ZDHHC15: variants seen among roughly 807,000 people sequenced by gnomAD.
The protein encoded by ZDHHC15 is zDHHC palmitoyltransferase 15.
In ZDHHC15, 19 loss-of-function variants were observed where a neutral mutation model predicts 31.7. The ratio of observed to expected loss-of-function variants is 0.60; its 90% CI spans 0.42 to 0.88. The LOEUF (loss-of-function observed/expected upper bound fraction) is 0.88, where lower values mean the gene tolerates loss of function less well. Ranked by LOEUF, ZDHHC15 falls within the 40% of genes least tolerant of loss-of-function variation. The pLI is 0.00. For synonymous variants in ZDHHC15, 103 were observed against 90.0 expected (o/e 1.14, Z -0.82); for missense variants, 209 against 251.2 (o/e 0.83, Z 1.14).
chrX:75,379,014 A>G (rs911874015), intron 11 of ZDHHC15, 106 bp downstream of exon 11: 17 of 590,488 alleles, frequency 2.9e-5, no homozygotes, highest in Non-Finnish European at 4.5e-5. Context: ...AGAATTTAAA[A>G]TCTTTTTCAC....
Position 75,423,114 on chromosome X carries a change from T to A in ZDHHC15, c.737-1124A>T, listed in dbSNP as rs141094123. 4.3e-3 allele frequency among the ~76,000 whole-genome samples: 460 copies of A among 108,106 alleles called. 2 individuals are homozygous for A. The highest frequency in any genetic ancestry group is 0.015 in the African/African-American group (443 of 29,712). The allele number at this position is 108,106 out of a possible 115,157, so 93.9% of individuals were successfully genotyped here. ...CGCAGCCTTAAACTCCTGGCCAGGGTCAATCAATCTTCCTGTCTCAGCTTA... is the reference window on the plus strand; with the variant it reads ...CGCAGCCTTAAACTCCTGGCCAGGGACAATCAATCTTCCTGTCTCAGCTTA... On this transcript the variant is annotated intron_variant, in intron 8 of 11. Transcript: ENST00000373367.
At chrX:75,456,552 G>C (rs1190853907) in intron 3 of ZDHHC15, among the ~76,000 whole-genome samples, 1 of 111,393 alleles carries the variant, frequency 9.0e-6, no homozygotes, top group African/African-American at 3.3e-5. Context: ...GGAAACAACA[G>C]ATGCTGTCAA....
intron 2 of ZDHHC15, among the ~76,000 whole-genome samples, chrX:75,488,761 T>C (rs2084818787): frequency 9.0e-6 from 1 of 111,572 alleles, no homozygotes; most frequent in African/African-American, 3.3e-5. Context: ...GGACAGTGGG[T>C]GCAGTGCACC....
Position 75,379,163 on chromosome X carries a change from T to A in ZDHHC15, c.1003A>T (p.Thr335Ser), listed in dbSNP as rs751633180. Reference protein sequence around the residue: ...PEGSSSLAVETET With the variant: ...PEGSSSLAVESET The stretch of plus-strand genomic sequence containing the variant: ...AAATGTGAAAACTGCTATGTTTCCG[T>A]TTCCACAGCAAGAGATGATGAGCCT... The change falls in exon 11 of 12, where the codon ACG becomes TCG. Residue 335 changes from threonine to serine, a missense_variant. Physicochemically the swap from Thr to Ser is moderately conservative, Grantham distance 58. Coordinates refer to ENST00000373367, the MANE Select transcript of ZDHHC15 (RefSeq NM_144969.3). 23 of 1,209,780 alleles carry A rather than the reference T, an allele frequency of 1.9e-5. No homozygotes were observed. The Admixed American group carries it at 5.0e-4, about 26-fold the overall frequency.
Position 75,437,336 on chromosome X carries a change from G to A in ZDHHC15, c.380-5816C>T, listed in dbSNP as rs1602621807. On this transcript the variant is annotated intron_variant, in intron 4 of 11. Transcript: ENST00000373367. The stretch of plus-strand genomic sequence containing the variant: ...GTTTTAGGGTACATGTGCACAATGT[G>A]CAGGTTAGTTACATATGTATACATG... 9.1e-5 allele frequency among the ~76,000 whole-genome samples: 9 copies of A among 99,184 alleles called. No individual in the cohort carries two copies. In the South Asian group the frequency reaches 4.6e-3, roughly 50 times the overall value. 86.1% of individuals were successfully genotyped at this position (99,184 alleles called of 115,157 possible).
chrX:75,398,245 C>A (rs1427266752), intron 10 of ZDHHC15, among the ~76,000 whole-genome samples: 1 of 112,476 alleles, frequency 8.9e-6, no homozygotes, highest in African/African-American at 3.2e-5. Flanking sequence ...GGTGCCTTAG[C>A]CGTTCCAGCC....
chrX:75,497,810 A>G (rs960444552), intron 2 of ZDHHC15, among the ~76,000 whole-genome samples: 1 of 111,678 alleles, frequency 9.0e-6, no homozygotes, highest in Non-Finnish European at 1.9e-5. Context: ...CAAAATCAGC[A>G]TAGAAGGGAT....
chrX:75,406,389 C>T (rs1019937796), intron 10 of ZDHHC15, among the ~76,000 whole-genome samples: 2 of 110,598 alleles, frequency 1.8e-5, no homozygotes, highest in Non-Finnish European at 3.8e-5. Flanking sequence ...CAAAGCAATA[C>T]AGAAGACCAA....
intron 1 of ZDHHC15, among the ~76,000 whole-genome samples, chrX:75,514,367 C>A (rs751473898): frequency 8.9e-6 from 1 of 112,265 alleles, no homozygotes; most frequent in Non-Finnish European, 1.9e-5. Context: ...GGCAACAGAG[C>A]TGTAAACGGC....
chrX:75,457,087 G>T (rs1036397857), intron 3 of ZDHHC15, among the ~76,000 whole-genome samples: 1 of 111,590 alleles, frequency 9.0e-6, no homozygotes, highest in African/African-American at 3.3e-5. Flanking sequence ...TTAAAAAACT[G>T]ATATTTAGAA....
intron 10 of ZDHHC15, among the ~76,000 whole-genome samples, chrX:75,381,077 A>G (rs2083109464): frequency 9.0e-6 from 1 of 111,141 alleles, no homozygotes; most frequent in Non-Finnish European, 1.9e-5. Context: ...TTATGACTTT[A>G]TATAAGTCGC....
chrX:75,448,315 G>A (rs1322783559), intron 4 of ZDHHC15, among the ~76,000 whole-genome samples: 1 of 112,157 alleles, frequency 8.9e-6, no homozygotes, highest in African/African-American at 3.2e-5. Flanking sequence ...CTTGCTAAAG[G>A]CAAAGGGAGT....
At chrX:75,431,404 C>A in intron 5 of ZDHHC15, 47 bp downstream of exon 5, 1 of 1,144,908 alleles carries the variant, frequency 8.7e-7, no homozygotes. Flanking sequence ...GTCTAGGAAA[C>A]CTTCAGTGGC....
intron 9 of ZDHHC15, among the ~76,000 whole-genome samples, chrX:75,421,280 T>G (rs972677383): frequency 1.1e-5 from 1 of 94,946 alleles, no homozygotes. Flanking sequence ...CACAGTGTAT[T>G]GGATTTTTCT....
At position 75,431,446 on chromosome X, in the gene ZDHHC15, C is replaced by T. The variant is rs1050699122; in HGVS notation, c.449+5G>A. 1 of 1,205,029 alleles carries T rather than the reference C, an allele frequency of 8.3e-7. No homozygotes were observed. Among genetic ancestry groups the T allele is most frequent in the Non-Finnish European group, 1.1e-6 (1 of 892,197 alleles). On this transcript the variant is annotated splice_donor_5th_base_variant and intron_variant, in intron 5 of 11. Transcript: ENST00000373367. ...CAGCCCAGGGGAAATATGGCCGTCA[C>T]TTACATAGCACAGACAGAGCAGTGG...
At chrX:75,519,420 C>A (rs1356164091) in intron 1 of ZDHHC15, among the ~76,000 whole-genome samples, 1 of 111,254 alleles carries the variant, frequency 9.0e-6, no homozygotes, top group African/African-American at 3.3e-5. Context: ...ATACTGAGTG[C>A]TAAGCAACCA....
chrX:75,428,986 A>G, intron 7 of ZDHHC15, 92 bp downstream of exon 7: 11 of 1,120,211 alleles, frequency 9.8e-6, no homozygotes, highest in Non-Finnish European at 1.3e-5. Context: ...TTAGCTATTT[A>G]AAAATGTAAA....
chrX:75,510,681 G>T (rs6647749), intron 1 of ZDHHC15, among the ~76,000 whole-genome samples: 11,897 of 82,772 alleles, frequency 0.14, 1,415 homozygotes, highest in East Asian at 0.81. Flanking sequence ...ACCCACTAAC[G>T]TGTCATCTAG....
intron 1 of ZDHHC15, among the ~76,000 whole-genome samples, chrX:75,518,800 TATATATACACACAC>T (rs1207095355): frequency 1.7e-3 from 44 of 25,942 alleles, no homozygotes; most frequent in African/African-American, 3.5e-3. Context: ...TATATATATA[TATATATACACACAC>T]ACACACACAC....
Sources: allele counts gnomAD v4.1 joint callset (sites outside exome capture counted in the v4.1 genomes callset), GRCh38; gene constraint gnomAD v4.1.1; transcripts MANE v1.5; gene names NCBI Gene and HGNC (gene_info 2026-07-23, HGNC 2026-07-21).